AFF1: variants seen among roughly 807,000 people sequenced by gnomAD.
The protein encoded by AFF1 is AF4/FMR2 family member 1.
Under a neutral mutation model 121.7 loss-of-function variants are expected in AFF1, and 48 were observed. That is an observed-to-expected ratio of 0.39 (90% confidence interval 0.31 to 0.50). The LOEUF is 0.50. Ranked by LOEUF, AFF1 falls within the 20% of genes least tolerant of loss-of-function variation. The pLI, the probability that AFF1 is intolerant of heterozygous loss-of-function variation, is 0.76. For synonymous variants in AFF1, 613 were observed against 563.0 expected (o/e 1.09, Z -1.26); for missense variants, 1,523 against 1,511.7 (o/e 1.01, Z -0.12).
intron 13 of AFF1, 44 bp from the exon 14 acceptor site, chr4:87,126,055 G>T: frequency 6.3e-7 from 1 of 1,576,344 alleles, no homozygotes; most frequent in South Asian, 1.1e-5. Flanking sequence ...GCCGCTTGAT[G>T]TGTACTTTGC....
At chr4:87,132,238 C>G (rs1214786898) in intron 18 of AFF1, 33 bp from the exon 19 acceptor site, 1 of 1,599,538 alleles carries the variant, frequency 6.3e-7, no homozygotes, top group East Asian at 2.2e-5. Flanking sequence ...GTATGATAGT[C>G]ACGTGCAGTT....
chr4:87,008,620 G>GT (rs11355941), intron 2 of AFF1, among the ~76,000 whole-genome samples: 7,987 of 145,002 alleles, frequency 0.055, 635 homozygotes, highest in African/African-American at 0.18. Context: ...GAAATTTAGT[G>GT]TTTTTTTTTT....
intron 2 of AFF1, among the ~76,000 whole-genome samples, chr4:87,021,928 C>T (rs1053962520): frequency 2.0e-5 from 3 of 152,056 alleles, no homozygotes; most frequent in African/African-American, 7.2e-5. Flanking sequence ...CTAGGGCGGG[C>T]GCAGTGGCAC....
rs59568294 is a variant in AFF1, at chr4:86,982,848, C to CA, written c.38+34304dup. On this transcript the variant is annotated intron_variant, in intron 2 of 20. Coordinates refer to ENST00000395146, the MANE Select transcript of AFF1 (RefSeq NM_001166693.3). ...GGGCGACAGAGTAAGACTCTGTCTC[C>CA]AAAAAAAAAAAAAAAAAAAAAAAAA... is the stretch of plus-strand genomic sequence containing the variant. Among the ~76,000 whole-genome samples the CA allele has an allele frequency of 4.9e-3, 266 of 53,810 alleles. 10 individuals are homozygous for CA. Among genetic ancestry groups the CA allele is most frequent in the African/African-American group, 0.015 (221 of 14,716 alleles). The allele number at this position is 53,810 out of a possible 152,430, so 35.3% of individuals were successfully genotyped here. A position where few individuals can be genotyped will look rare whatever the true frequency, so the allele number is the denominator to read the frequency against.
chr4:87,068,855 A>T (rs1721659329), intron 4 of AFF1, among the ~76,000 whole-genome samples: 1 of 152,144 alleles, frequency 6.6e-6, no homozygotes, highest in Non-Finnish European at 1.5e-5. Context: ...GGCACCGATT[A>T]GGGCTGGCAA....
intron 5 of AFF1, 81 bp from the exon 6 acceptor site, chr4:87,089,903 A>G (rs1344858994): frequency 2.4e-5 from 25 of 1,056,314 alleles, no homozygotes; most frequent in Non-Finnish European, 2.6e-5. Flanking sequence ...AATCCATTCT[A>G]CATTAAGTTC....
At chr4:86,991,648 T>C (rs1281815717) in intron 2 of AFF1, among the ~76,000 whole-genome samples, 1 of 151,986 alleles carries the variant, frequency 6.6e-6, no homozygotes, top group African/African-American at 2.4e-5. Flanking sequence ...ACATTAACTC[T>C]CAGCTCTGAG....
chr4:87,067,820 A>G (rs1157305995), intron 4 of AFF1, among the ~76,000 whole-genome samples: 1 of 152,242 alleles, frequency 6.6e-6, no homozygotes, highest in African/African-American at 2.4e-5. Flanking sequence ...AGGAACAAAA[A>G]TGTCTACATG....
intron 2 of AFF1, among the ~76,000 whole-genome samples, chr4:87,014,459 A>T (rs1315361250): frequency 6.6e-6 from 1 of 152,262 alleles, no homozygotes; most frequent in Non-Finnish European, 1.5e-5. Flanking sequence ...AATGTTCAAC[A>T]AGACATTTTA....
intron 2 of AFF1, among the ~76,000 whole-genome samples, chr4:87,022,905 TTTAA>T (rs1728168989): frequency 6.6e-6 from 1 of 151,716 alleles, no homozygotes; most frequent in African/African-American, 2.4e-5. Flanking sequence ...TTATTTTATT[TTTAA>T]TTTATTTATT....
intron 2 of AFF1, among the ~76,000 whole-genome samples, chr4:87,002,125 A>G (rs1578032735): frequency 6.8e-6 from 1 of 146,046 alleles, no homozygotes; most frequent in African/African-American, 2.5e-5. Flanking sequence ...TTTTTCCCAG[A>G]GACGGTCTTG....
At chr4:87,053,827 G>T (rs1182449441) in intron 4 of AFF1, among the ~76,000 whole-genome samples, 1 of 152,326 alleles carries the variant, frequency 6.6e-6, no homozygotes, top group South Asian at 2.1e-4. Flanking sequence ...TTTGACAAGT[G>T]CTATAAGGGA....
intron 2 of AFF1, among the ~76,000 whole-genome samples, chr4:86,969,080 C>A (rs1213743147): frequency 6.6e-6 from 1 of 152,196 alleles, no homozygotes; most frequent in African/African-American, 2.4e-5. Flanking sequence ...CCTCCTTGTT[C>A]CTTCAGGAAT....
At chr4:87,132,509 C>G (rs1728928868) in intron 19 of AFF1, 101 bp downstream of exon 19, 5 of 1,244,608 alleles carry the variant, frequency 4.0e-6, no homozygotes, top group Non-Finnish European at 5.4e-6. Context: ...GTCACTTTGC[C>G]TTTTCAAAAA....
intron 11 of AFF1, among the ~76,000 whole-genome samples, chr4:87,111,012 A>ATTTTTTTTTATTTTTTTTTTT (rs1726458617): frequency 3.4e-5 from 1 of 29,278 alleles, no homozygotes; most frequent in African/African-American, 8.9e-5. Context: ...TTTTTTTTTT[A>ATTTTTTTTTATTTTTTTTTTT]TTTTTTTTTT....
At chr4:87,022,580 A>ATATATATATC (rs1399457511) in intron 2 of AFF1, among the ~76,000 whole-genome samples, 46 of 89,282 alleles carry the variant, frequency 5.2e-4, no homozygotes, top group African/African-American at 2.4e-3. Context: ...ATATATATAT[A>ATATATATATC]TATCTATCTA....
At chr4:86,956,629 C>T (rs1452820954) in intron 2 of AFF1, among the ~76,000 whole-genome samples, 1 of 152,154 alleles carries the variant, frequency 6.6e-6, no homozygotes, top group Non-Finnish European at 1.5e-5. Flanking sequence ...TATTAATCCT[C>T]AATAATTTTG....
At chr4:87,124,571 A>AT (rs1299543671) in intron 12 of AFF1, among the ~76,000 whole-genome samples, 1 of 152,180 alleles carries the variant, frequency 6.6e-6, no homozygotes, top group African/African-American at 2.4e-5. Flanking sequence ...TAAGTAGTCC[A>AT]TTTTGAATTT....
intron 2 of AFF1, among the ~76,000 whole-genome samples, chr4:86,975,967 T>G (rs1412197305): frequency 1.3e-5 from 2 of 152,166 alleles, no homozygotes; most frequent in African/African-American, 4.8e-5. Context: ...AAAAGACATT[T>G]AAACAAGTAA....
Sources: allele counts gnomAD v4.1 joint callset (sites outside exome capture counted in the v4.1 genomes callset), GRCh38; gene constraint gnomAD v4.1.1; transcripts MANE v1.5; gene names NCBI Gene and HGNC (gene_info 2026-07-23, HGNC 2026-07-21).